The following LPIN1 variants were observed in gnomAD, a reference collection of about 807,000 sequenced individuals.
LPIN1 encodes the protein lipin 1.
In LPIN1, 71 loss-of-function variants were observed where a neutral mutation model predicts 107.5. The observed-to-expected ratio is 0.66, with a 90% CI of 0.55 to 0.80. The LOEUF is 0.80. Among genes scored for constraint, LPIN1 ranks in the 30% least tolerant of loss-of-function variants. LPIN1 has a pLI of 0.00. For missense variants in LPIN1, 1,043 were observed against 1,160.6 expected, an observed-to-expected ratio of 0.90 and a Z score of 1.47; for synonymous variants, 445 against 452.6, an observed-to-expected ratio of 0.98 and a Z score of 0.21.
At chr2:11,778,886 G>T (rs552840426) in intron 6 of LPIN1, among the ~76,000 whole-genome samples, 23 of 152,292 alleles carry the variant, frequency 1.5e-4, no homozygotes, top group African/African-American at 5.5e-4. Context: ...TACTGAGCGA[G>T]CCTTAACCAG....
intron 1 of LPIN1, among the ~76,000 whole-genome samples, chr2:11,751,070 G>C (rs138007545): frequency 7.0e-4 from 107 of 152,328 alleles, no homozygotes; most frequent in African/African-American, 2.5e-3. Flanking sequence ...GTTTTGCTCA[G>C]CATAGTTGTC....
At chr2:11,751,667 A>G (rs983287511) in intron 1 of LPIN1, among the ~76,000 whole-genome samples, 1 of 152,210 alleles carries the variant, frequency 6.6e-6, no homozygotes, top group Non-Finnish European at 1.5e-5. Context: ...CCTGGCTAAC[A>G]TGGTGAAACC....
At chr2:11,717,498 C>A in intron 2 of LPIN1, among the ~76,000 whole-genome samples, 1 of 151,800 alleles carries the variant, frequency 6.6e-6, no homozygotes, top group African/African-American at 2.4e-5. Context: ...ATCCCCCCAC[C>A]CTCCAAACAC....
chr2:11,746,128 G>A (rs1366434194), upstream of LPIN1: 2 of 152,534 alleles, frequency 1.3e-5, no homozygotes, highest in East Asian at 1.9e-4. Context: ...GTGGCCCGGC[G>A]TGGAGAAGCT....
At chr2:11,815,042 T>C in intron 17 of LPIN1, 46 bp from the exon 18 acceptor site, 1 of 1,567,650 alleles carries the variant, frequency 6.4e-7, no homozygotes, top group Non-Finnish European at 8.8e-7. Flanking sequence ...TGCAGAAAGG[T>C]TCCATTTTCT....
At chr2:11,720,206 T>C (rs1410445861), upstream of LPIN1, among the ~76,000 whole-genome samples, 1 of 152,216 alleles carries the variant, frequency 6.6e-6, no homozygotes, top group Non-Finnish European at 1.5e-5. Context: ...CATTTATTTT[T>C]ATGATGATGA....
Position 11,824,856 on chromosome 2 carries a change from T to G in LPIN1, c.*65T>G. 1 of 1,582,328 alleles carries G rather than the reference T, an allele frequency of 6.3e-7. No homozygotes were observed. The highest frequency in any genetic ancestry group is 8.7e-7 in the Non-Finnish European group (1 of 1,153,592). On this transcript the variant is annotated 3_prime_UTR_variant, in exon 21 of 21. Transcript: ENST00000674199. ...GTTGTCACCCATTAAAGGATAGGTC[T>G]CCCCGGAGTGCACAGCTCCACCTGG...
At chr2:11,749,804 G>T (rs550143788) in intron 1 of LPIN1, among the ~76,000 whole-genome samples, 1 of 152,198 alleles carries the variant, frequency 6.6e-6, no homozygotes, top group Admixed American at 6.5e-5. Flanking sequence ...TTTTCACACC[G>T]GTGGTCATGG....
chr2:11,797,640 A>G lies in LPIN1; in HGVS notation c.1886+2153A>G, dbSNP rs188525495. On this transcript the variant is annotated intron_variant, in intron 14 of 20. Transcript: ENST00000674199. ...GCTTGTAGCCCCTTCGTTTTGGCCA[A>G]TTTGTCCCAATGGAAACAGGTGTAT... is the stretch of plus-strand genomic sequence containing the variant. 1.0e-3 allele frequency among the ~76,000 whole-genome samples: 154 copies of G among 152,202 alleles called. 1 individual carries two copies. Among genetic ancestry groups the G allele is most frequent in the African/African-American group, 3.3e-3 (135 of 41,494 alleles).
At chr2:11,780,335 G>A (rs1039676654) in intron 7 of LPIN1, among the ~76,000 whole-genome samples, 1 of 152,208 alleles carries the variant, frequency 6.6e-6, no homozygotes, top group Non-Finnish European at 1.5e-5. Flanking sequence ...CAGGGAGAGA[G>A]TTGTGGACTC....
At chr2:11,687,006 T>C (rs1269184201) in intron 1 of LPIN1, among the ~76,000 whole-genome samples, 1 of 143,816 alleles carries the variant, frequency 7.0e-6, no homozygotes, top group African/African-American at 2.6e-5. Context: ...TTTTTTTTTT[T>C]TTTTTTTTTT....
chr2:11,767,666 C>A, intron 2 of LPIN1, 97 bp from the exon 3 acceptor site: 1 of 787,472 alleles, frequency 1.3e-6, no homozygotes, highest in Non-Finnish European at 2.3e-6. Context: ...AGGGTGTATG[C>A]GATGATAGCG....
chr2:11,809,879 G>A (rs1318613757), intron 17 of LPIN1, among the ~76,000 whole-genome samples: 2 of 152,196 alleles, frequency 1.3e-5, no homozygotes, highest in African/African-American at 2.4e-5. Context: ...TCCCAGAAGC[G>A]GCAGCCATTA....
At chr2:11,743,174 G>T (rs918294148), upstream of LPIN1, among the ~76,000 whole-genome samples, 1 of 152,190 alleles carries the variant, frequency 6.6e-6, no homozygotes, top group Non-Finnish European at 1.5e-5. This position sits in a 1 kb window ranked among gnomAD's most constrained non-coding sequence, Gnocchi z 4.7. Flanking sequence ...CCAGTGCTCA[G>T]CCTAGGGCCT....
At chr2:11,814,872 A>G (rs551475064) in intron 17 of LPIN1, among the ~76,000 whole-genome samples, 1 of 152,342 alleles carries the variant, frequency 6.6e-6, no homozygotes, top group East Asian at 1.9e-4. Context: ...AGGATTAAAC[A>G]AAGTGGGGAA....
At chr2:11,704,727 A>G (rs1663042871) in intron 1 of LPIN1, among the ~76,000 whole-genome samples, 1 of 152,198 alleles carries the variant, frequency 6.6e-6, no homozygotes, top group South Asian at 2.1e-4. Context: ...TCACAGTCAC[A>G]CAGCTGGGAT....
intron 2 of LPIN1, among the ~76,000 whole-genome samples, chr2:11,715,843 C>T (rs906559288): frequency 6.6e-6 from 1 of 152,050 alleles, no homozygotes; most frequent in Non-Finnish European, 1.5e-5. Flanking sequence ...GACCAGGAGG[C>T]CTCGTCTGCT....
At chr2:11,801,245 C>T (rs1469605443) in intron 14 of LPIN1, among the ~76,000 whole-genome samples, 1 of 152,158 alleles carries the variant, frequency 6.6e-6, no homozygotes, top group Non-Finnish European at 1.5e-5. Flanking sequence ...CCAGCAATCC[C>T]ACTACTGCTT....
intron 1 of LPIN1, among the ~76,000 whole-genome samples, chr2:11,700,336 A>T (rs1662804375): frequency 6.6e-6 from 1 of 152,162 alleles, no homozygotes; most frequent in Admixed American, 6.5e-5. Context: ...CCCAGTGTCT[A>T]TGGGGCATCT....
Sources: allele counts gnomAD v4.1 joint callset (sites outside exome capture counted in the v4.1 genomes callset), GRCh38; gene constraint gnomAD v4.1.1; non-coding constraint Gnocchi (gnomAD v3.1); transcripts MANE v1.5; gene names NCBI Gene and HGNC (gene_info 2026-07-23, HGNC 2026-07-21).